The following VPS26B variants were observed in gnomAD, a reference collection of about 807,000 sequenced individuals.
VPS26B encodes VPS26 retromer complex component B.
A neutral mutation model predicts 33.3 loss-of-function variants in VPS26B; 10 were observed. The ratio of observed to expected loss-of-function variants is 0.30; its 90% CI spans 0.19 to 0.51. The LOEUF (loss-of-function observed/expected upper bound fraction) is 0.51. Ranked by LOEUF, VPS26B falls within the 20% of genes least tolerant of loss-of-function variation. The pLI is 0.98. For missense variants in VPS26B, 317 were observed against 452.7 expected, an observed-to-expected ratio of 0.70 and a Z score of 2.72; for synonymous variants, 190 against 176.9, an observed-to-expected ratio of 1.07 and a Z score of -0.59.
chr11:134,238,142 T>C (rs1938661104), intron 2 of VPS26B, among the ~76,000 whole-genome samples: 1 of 152,140 alleles, frequency 6.6e-6, no homozygotes, highest in Admixed American at 6.5e-5. Flanking sequence ...GACAATCACA[T>C]ATCAGGTGTG....
intron 2 of VPS26B, chr11:134,236,662 A>G (rs187102667): frequency 1.3e-5 from 2 of 152,380 alleles, no homozygotes; most frequent in Non-Finnish European, 2.9e-5. Flanking sequence ...CTATGCTACA[A>G]CATGGGTGAA....
At chr11:134,237,136 C>T (rs1216016495) in intron 2 of VPS26B, among the ~76,000 whole-genome samples, 1 of 152,130 alleles carries the variant, frequency 6.6e-6, no homozygotes, top group Non-Finnish European at 1.5e-5. Context: ...AGAGGGAAAA[C>T]ATGAAAAGAT....
chr11:134,224,962 C>A lies in VPS26B; in HGVS notation c.-161C>A. The A allele has an allele frequency of 2.3e-6, 1 of 440,214 alleles. No homozygotes were observed. The highest frequency in any genetic ancestry group is 3.4e-6 in the Non-Finnish European group (1 of 290,394). 27.3% of individuals were successfully genotyped at this position (440,214 alleles called of 1,614,324 possible). On this transcript the variant is annotated 5_prime_UTR_variant, in exon 1 of 6. Transcript: ENST00000281187. ...GCCCCTCCCCCGTGGAGCCGGCTGT[C>A]CGTCGGCGCCCACTGCCCGGCGGCA...
At chr11:134,229,816 C>T (rs1442327424) in intron 1 of VPS26B, among the ~76,000 whole-genome samples, 1 of 152,148 alleles carries the variant, frequency 6.6e-6, no homozygotes, top group Non-Finnish European at 1.5e-5. Flanking sequence ...TCAGTCCTTT[C>T]TTAAAATTCT....
intron 3 of VPS26B, 101 bp from the exon 4 acceptor site, chr11:134,243,018 C>T (rs1307412932): frequency 5.0e-6 from 6 of 1,195,246 alleles, no homozygotes; most frequent in Middle Eastern, 2.0e-4. Context: ...TGCAACTGGA[C>T]GTTTAACCAG....
rs768998674 is a variant in VPS26B at position 134,240,794 on chromosome 11, C to CAT, written c.545+639_545+640insAT. ...GTGTCCGTGTGTGTGTGTGTGTGTC[C>CAT]GTGTGTGTGTGTGTGTGTGTGTGTG... On this transcript the variant is annotated intron_variant, in intron 3 of 5. Transcript: ENST00000281187. This position sits in a 1 kb window ranked among gnomAD's most constrained non-coding sequence, Gnocchi z 4.4. Among the ~76,000 whole-genome samples the CAT allele has an allele frequency of 7.2e-6, 1 of 138,434 alleles. No homozygotes were observed. Among genetic ancestry groups the CAT allele is most frequent in the African/African-American group, 2.8e-5 (1 of 36,342 alleles). The allele number at this position is 138,434 out of a possible 152,430, so 90.8% of individuals were successfully genotyped here. A position where few individuals can be genotyped will look rare whatever the true frequency, so the allele number is the denominator to read the frequency against.
chr11:134,240,811 G>GTGTGTGTC lies in VPS26B; in HGVS notation c.545+663_545+664insCTGTGTGT, dbSNP rs1938712120. On this transcript the variant is annotated intron_variant, in intron 3 of 5. Transcript: ENST00000281187. The surrounding 1 kb of genome is among the most constrained non-coding windows in gnomAD (Gnocchi z 4.4). ...TGTGTGTCCGTGTGTGTGTGTGTGTGTGTGTGTGTGTGTGTGTAGCCAAGG... is the reference window on the plus strand; with the variant it reads ...TGTGTGTCCGTGTGTGTGTGTGTGTGTGTGTGTCTGTGTGTGTGTGTGTGTAGCCAAGG... Among the ~76,000 whole-genome samples the GTGTGTGTC allele has an allele frequency of 6.9e-6, 1 of 145,502 alleles. No homozygotes were observed. The highest frequency in any genetic ancestry group is 2.1e-4 in the South Asian group (1 of 4,684).
rs1267827968 is a variant in VPS26B, at chr11:134,245,065, C to G, written c.849C>G (p.Arg283=). The G allele has an allele frequency of 1.2e-6, 2 of 1,614,008 alleles. No individual in the cohort carries two copies. Among genetic ancestry groups the G allele is most frequent in the African/African-American group, 2.7e-5 (2 of 74,946 alleles). The change falls in exon 5 of 6, where the codon CGC becomes CGG. Residue 283 remains arginine, a synonymous_variant. Coordinates refer to ENST00000281187, the MANE Select transcript of VPS26B (RefSeq NM_052875.5). This position sits in a 1 kb window ranked among gnomAD's most constrained non-coding sequence, Gnocchi z 4.7. ...NLVLIDEEER[R]YFKQQEVVLW... ...TGCTGATAGACGAGGAGGAGCGGCG[C>G]TACTTCAAGCAGCAGGTGAGGGCCA...
At chr11:134,231,283 T>TA (rs1938552113) in intron 1 of VPS26B, among the ~76,000 whole-genome samples, 1 of 152,148 alleles carries the variant, frequency 6.6e-6, no homozygotes, top group African/African-American at 2.4e-5. Flanking sequence ...CCCATACTTT[T>TA]AAAAACTCCA....
Position 134,225,088 on chromosome 11 carries a change from G to T in VPS26B, c.-35G>T. On this transcript the variant is annotated 5_prime_UTR_variant, in exon 1 of 6. Coordinates refer to ENST00000281187, the MANE Select transcript of VPS26B (RefSeq NM_052875.5). Reference sequence around the variant, plus strand: ...AGCCCGCGCCCCGGTGCGAGGGAGCGGTCCTTACCGAGACCCGCCCGGCCC... The same window carrying T: ...AGCCCGCGCCCCGGTGCGAGGGAGCTGTCCTTACCGAGACCCGCCCGGCCC... The T allele has an allele frequency of 1.3e-6, 2 of 1,560,486 alleles. No homozygotes were observed. Among genetic ancestry groups the T allele is most frequent in the Non-Finnish European group, 1.7e-6 (2 of 1,149,228 alleles).
At position 134,240,750 on chromosome 11, in the gene VPS26B, C is replaced by T. The variant is rs979047550; in HGVS notation, c.545+595C>T. 2.0e-5 allele frequency among the ~76,000 whole-genome samples: 3 copies of T among 151,214 alleles called. No individual in the cohort carries two copies. Among genetic ancestry groups the T allele is most frequent in the Non-Finnish European group, 4.4e-5 (3 of 67,924 alleles). On this transcript the variant is annotated intron_variant, in intron 3 of 5. Coordinates refer to ENST00000281187, the MANE Select transcript of VPS26B (RefSeq NM_052875.5). This position sits in a 1 kb window ranked among gnomAD's most constrained non-coding sequence, Gnocchi z 4.4. ...AGTAGCTAGGAGCACAGGCATGCAC[C>T]GCCACACCCAGCTAATTTGTGTCCG...
chr11:134,228,967 A>T (rs1167517388), intron 1 of VPS26B, among the ~76,000 whole-genome samples: 2 of 152,288 alleles, frequency 1.3e-5, no homozygotes, highest in East Asian at 3.9e-4. Flanking sequence ...CAGAGGTGTC[A>T]CTTTTATCCT....
At chr11:134,225,641 C>T (rs1938442737) in intron 1 of VPS26B, among the ~76,000 whole-genome samples, 1 of 152,256 alleles carries the variant, frequency 6.6e-6, no homozygotes, top group African/African-American at 2.4e-5. Context: ...TTGTCTCCGG[C>T]ATGCACTCGG....
At position 134,224,767 on chromosome 11, in the gene VPS26B, C is replaced by T. The variant is rs575677979; in HGVS notation, c.-356C>T. The T allele has an allele frequency of 1.8e-4, 27 of 152,660 alleles. No homozygotes were observed. The East Asian group carries it at 5.0e-3, about 28-fold the overall frequency. 9.5% of individuals were successfully genotyped at this position (152,660 alleles called of 1,614,324 possible). A position where few individuals can be genotyped will look rare whatever the true frequency, so the allele number is the denominator to read the frequency against. On this transcript the variant is annotated 5_prime_UTR_variant, in exon 1 of 6. Coordinates refer to ENST00000281187, the MANE Select transcript of VPS26B (RefSeq NM_052875.5). ...ACCCCACCCGGCAGGCGCAGGCCAC[C>T]CACACCCGGCTCTGTGCGGCTGCCC...
chr11:134,244,718 G>A lies in VPS26B; in HGVS notation c.722-220G>A, dbSNP rs990786487. 5.0e-5 allele frequency: 27 copies of A among 539,552 alleles called. No individual in the cohort carries two copies. The highest frequency in any genetic ancestry group is 1.5e-4 in the African/African-American group (8 of 52,276). The allele number at this position is 539,552 out of a possible 1,614,324, so 33.4% of individuals were successfully genotyped here. On this transcript the variant is annotated intron_variant, in intron 4 of 5. Transcript: ENST00000281187. This position sits in a 1 kb window ranked among gnomAD's most constrained non-coding sequence, Gnocchi z 4.0. ...TCCCACTCAGTTGCTCTCTGTTTTC[G>A]AGAAGACATGAGAAGCTGCAACATG...
At position 134,240,124 on chromosome 11, in the gene VPS26B, C is replaced by G. The variant is rs1938694694; in HGVS notation, c.514C>G (p.Leu172Val). The change falls in exon 3 of 6, where the codon CTG (leucine) becomes GTG (valine). Residue 172 changes from leucine (L) to valine (V), a missense_variant. By Grantham distance (32) the Leu-to-Val change is conservative (BLOSUM62 1). Coordinates refer to ENST00000281187, the MANE Select transcript of VPS26B (RefSeq NM_052875.5). The surrounding 1 kb of genome is among the most constrained non-coding windows in gnomAD (Gnocchi z 4.4). The stretch of plus-strand genomic sequence containing the variant: ...GATGGAGGTTGGGATTGAGGACTGT[C>G]TGCACATTGAATTTGAGTACAATAA... ...IKMEVGIEDC[L>V]HIEFEYNKSK... 1 of 1,614,100 alleles carries G rather than the reference C, an allele frequency of 6.2e-7. No individual in the cohort carries two copies. The highest frequency in any genetic ancestry group is 1.3e-5 in the African/African-American group (1 of 74,936).
At chr11:134,234,157 G>C (rs1938598201) in intron 1 of VPS26B, among the ~76,000 whole-genome samples, 1 of 152,202 alleles carries the variant, frequency 6.6e-6, no homozygotes, top group South Asian at 2.1e-4. Flanking sequence ...CCTGATTTCA[G>C]TGGAGGGAAT....
intron 2 of VPS26B, 96 bp from the exon 3 acceptor site, chr11:134,239,895 G>A: frequency 7.1e-7 from 1 of 1,403,802 alleles, no homozygotes; most frequent in South Asian, 1.2e-5. Flanking sequence ...AAGAACCTTT[G>A]TACAGGCTTC....
chr11:134,232,849 G>T (rs1210133108), intron 1 of VPS26B, among the ~76,000 whole-genome samples: 1 of 152,106 alleles, frequency 6.6e-6, no homozygotes. Flanking sequence ...CAAGGTTTCG[G>T]CTTCCACACG....
Sources: gnomAD v4.1 joint callset for allele counts (sites outside exome capture counted in the v4.1 genomes callset) on GRCh38, gnomAD v4.1.1 for gene constraint, Gnocchi (gnomAD v3.1) non-coding constraint, MANE v1.5 for transcripts, NCBI Gene and HGNC (gene_info 2026-07-23, HGNC 2026-07-21) for gene names.